CAST: variants seen among roughly 807,000 people sequenced by gnomAD.
CAST encodes the protein MIR583 host.
Under a neutral mutation model 119.6 loss-of-function variants are expected in CAST, and 76 were observed. That is an observed-to-expected ratio of 0.64 (90% CI 0.53 to 0.77). The LOEUF is 0.77. Ranked by LOEUF, CAST falls within the 30% of genes least tolerant of loss-of-function variation. CAST has a pLI of 0.00. For missense variants in CAST, 953 were observed against 946.5 expected, an observed-to-expected ratio of 1.01 and a Z score of -0.09; for synonymous variants, 319 against 331.6, an observed-to-expected ratio of 0.96 and a Z score of 0.41.
intron 1 of CAST, among the ~76,000 whole-genome samples, chr5:96,601,597 G>A (rs73152040): frequency 0.083 from 12,696 of 152,114 alleles, 613 homozygotes; most frequent in African/African-American, 0.14. Flanking sequence ...TGAAAGTACC[G>A]ATTTCAGTTT....
At chr5:96,320,706 A>G in the CAST span, among the ~76,000 whole-genome samples, 1 of 77,532 alleles carries the variant, frequency 1.3e-5, no homozygotes, top group Admixed American at 1.6e-4. Flanking sequence ...CACTCACTGC[A>G]TGTTTTTCCT....
At chr5:96,106,689 T>G in the CAST span, among the ~76,000 whole-genome samples, 3 of 151,676 alleles carry the variant, frequency 2.0e-5, no homozygotes, top group African/African-American at 4.9e-5. Context: ...CTGAAAAAAA[T>G]GTATATTCTA....
the CAST span, among the ~76,000 whole-genome samples, chr5:96,159,901 AG>A: frequency 6.6e-6 from 1 of 151,856 alleles, no homozygotes; most frequent in Non-Finnish European, 1.5e-5. Flanking sequence ...TGGGAGGCTG[AG>A]GCGGGCAGAT....
At chr5:96,594,032 G>A (rs184481477) in intron 1 of CAST, among the ~76,000 whole-genome samples, 87 of 152,330 alleles carry the variant, frequency 5.7e-4, no homozygotes, top group Non-Finnish European at 7.6e-4. Context: ...CACAATGCAG[G>A]AGAGTTCAGC....
chr5:96,532,356 T>C (rs1745704881), intron 1 of CAST, among the ~76,000 whole-genome samples: 1 of 152,084 alleles, frequency 6.6e-6, no homozygotes, highest in South Asian at 2.1e-4. Flanking sequence ...TCACTAAGGG[T>C]ATAAACAAGG....
At chr5:96,766,429 A>C (rs368326469) in intron 27 of CAST, among the ~76,000 whole-genome samples, 73 of 152,198 alleles carry the variant, frequency 4.8e-4, no homozygotes, top group Admixed American at 1.2e-3. Flanking sequence ...CTCTCTTTCA[A>C]GAAAAGGCTA....
At chr5:96,646,092 G>A (rs759336771) in intron 1 of CAST, among the ~76,000 whole-genome samples, 3 of 151,950 alleles carry the variant, frequency 2.0e-5, no homozygotes, top group Non-Finnish European at 2.9e-5. Flanking sequence ...TGTTTTTGTC[G>A]CATTACATTA....
chr5:96,300,865 T>C, the CAST span, among the ~76,000 whole-genome samples: 1 of 149,358 alleles, frequency 6.7e-6, no homozygotes, highest in South Asian at 2.1e-4. Context: ...TTTTAGTAAT[T>C]GTAAATGAGA....
chr5:96,173,608 T>C, the CAST span, among the ~76,000 whole-genome samples: 1 of 152,220 alleles, frequency 6.6e-6, no homozygotes, highest in South Asian at 2.1e-4. Flanking sequence ...TTGGTACATG[T>C]GGTAGTAATT....
chr5:96,612,018 G>T (rs1483308543), intron 1 of CAST, among the ~76,000 whole-genome samples: 1 of 152,188 alleles, frequency 6.6e-6, no homozygotes, highest in Non-Finnish European at 1.5e-5. Context: ...TTCAGCCACT[G>T]TGGAGAGCAG....
chr5:96,294,296 A>T, the CAST span, among the ~76,000 whole-genome samples: 1 of 152,214 alleles, frequency 6.6e-6, no homozygotes, highest in Admixed American at 6.5e-5. Context: ...TGAAGAAAAT[A>T]TGTGGAAGAA....
At chr5:96,476,133 G>A in the CAST span, among the ~76,000 whole-genome samples, 1 of 152,158 alleles carries the variant, frequency 6.6e-6, no homozygotes, top group African/African-American at 2.4e-5. Context: ...CTATTGACCA[G>A]CAAATCTTTT....
At chr5:96,243,326 C>T in the CAST span, among the ~76,000 whole-genome samples, 9 of 143,810 alleles carry the variant, frequency 6.3e-5, no homozygotes, top group South Asian at 4.5e-4. Flanking sequence ...TTTTTTTTTA[C>T]CAAGCTGTTA....
chr5:96,568,586 A>G (rs971623541), intron 1 of CAST, among the ~76,000 whole-genome samples: 19 of 143,150 alleles, frequency 1.3e-4, no homozygotes, highest in Admixed American at 3.5e-4. Flanking sequence ...AAAAAAAAAA[A>G]AAGAAGATAA....
At chr5:96,334,649 G>T in the CAST span, among the ~76,000 whole-genome samples, 1 of 152,150 alleles carries the variant, frequency 6.6e-6, no homozygotes, top group Non-Finnish European at 1.5e-5. Context: ...TAGCCACACA[G>T]TAGGCATAGT....
chr5:96,401,778 G>C, the CAST span, among the ~76,000 whole-genome samples: 16 of 152,302 alleles, frequency 1.1e-4, no homozygotes, highest in African/African-American at 3.6e-4. Flanking sequence ...TTAACCATGA[G>C]AAGTGGTGAG....
the CAST span, among the ~76,000 whole-genome samples, chr5:96,119,737 T>C: frequency 6.6e-6 from 1 of 152,226 alleles, no homozygotes. Context: ...AGTTAAAATA[T>C]ACTTCCTTTG....
At chr5:96,429,502 T>C in the CAST span, among the ~76,000 whole-genome samples, 4 of 152,212 alleles carry the variant, frequency 2.6e-5, no homozygotes, top group East Asian at 1.9e-4. Flanking sequence ...GTTTGTTACA[T>C]AGGTAAACTT....
At chr5:95,977,432 G>T in the CAST span, among the ~76,000 whole-genome samples, 5 of 152,178 alleles carry the variant, frequency 3.3e-5, no homozygotes, top group Admixed American at 1.3e-4. Flanking sequence ...CAATTAAGTT[G>T]TGCCGCATGT....
Sources: allele counts gnomAD v4.1 joint callset (sites outside exome capture counted in the v4.1 genomes callset), GRCh38; gene constraint gnomAD v4.1.1; transcripts MANE v1.5; gene names NCBI Gene and HGNC (gene_info 2026-07-23, HGNC 2026-07-21).